SMURF1: variants seen among roughly 807,000 people sequenced by gnomAD.
The protein encoded by SMURF1 is SMAD specific E3 ubiquitin protein ligase 1.
SMURF1 carries 44 observed loss-of-function variants against 98.0 expected under a neutral mutation model. The ratio of observed to expected loss-of-function variants is 0.45; its 90% CI spans 0.35 to 0.58. The LOEUF (loss-of-function observed/expected upper bound fraction) is 0.58, where lower values mean the gene tolerates loss of function less well. SMURF1 is among the 20% of genes least tolerant of loss of function. The pLI is 0.00. For synonymous variants in SMURF1, 396 were observed against 374.9 expected, an observed-to-expected ratio of 1.06 and a Z score of -0.65; for missense variants, 687 against 938.4, an observed-to-expected ratio of 0.73 and a Z score of 3.50.
chr7:99,030,224 T>G lies in SMURF1; in HGVS notation c.*360A>C. ...CAAACCCTCAATCAGCCACGCCCAG[T>G]CCCCTAACTGTGAGTTGATGCTCCC... On this transcript the variant is annotated 3_prime_UTR_variant, in exon 18 of 18. Transcript: ENST00000361368. 1 of 202,048 alleles carries G rather than the reference T, an allele frequency of 4.9e-6. No individual in the cohort carries two copies. The highest frequency in any genetic ancestry group is 1.1e-4 in the South Asian group (1 of 9,398). 12.5% of individuals were successfully genotyped at this position (202,048 alleles called of 1,614,324 possible).
chr7:99,076,848 T>C (rs891254827), intron 1 of SMURF1, among the ~76,000 whole-genome samples: 17 of 151,766 alleles, frequency 1.1e-4, no homozygotes, highest in Admixed American at 5.3e-4. Context: ...TGTATGTGTG[T>C]GCACGTGCAT....
chr7:99,058,489 T>C (rs1455636963), intron 3 of SMURF1, among the ~76,000 whole-genome samples: 1 of 152,124 alleles, frequency 6.6e-6, no homozygotes, highest in Non-Finnish European at 1.5e-5. Context: ...TTCTCACCAA[T>C]TAGGTTTGAT....
chr7:99,075,073 G>A (rs960488647), intron 1 of SMURF1, among the ~76,000 whole-genome samples: 1 of 152,196 alleles, frequency 6.6e-6, no homozygotes, highest in African/African-American at 2.4e-5. Context: ...GGAGGTGGAA[G>A]TAGCAGTAGT....
At chr7:99,051,677 T>G (rs1795755573) in intron 7 of SMURF1, among the ~76,000 whole-genome samples, 2 of 152,180 alleles carry the variant, frequency 1.3e-5, no homozygotes, top group African/African-American at 4.8e-5. Context: ...TTGGTTTGCT[T>G]TGGTGTTCGT....
chr7:99,107,832 C>T (rs1262861969), intron 1 of SMURF1, among the ~76,000 whole-genome samples: 1 of 152,164 alleles, frequency 6.6e-6, no homozygotes, highest in Non-Finnish European at 1.5e-5. Context: ...CCATTAGTAA[C>T]ACCACCAGCA....
intron 1 of SMURF1, among the ~76,000 whole-genome samples, chr7:99,100,870 A>T (rs1177828577): frequency 6.6e-6 from 1 of 152,250 alleles, no homozygotes; most frequent in Non-Finnish European, 1.5e-5. Context: ...AGTCAAAGAG[A>T]GATACAATAA....
chr7:99,133,539 A>ACT (rs1797920611), intron 1 of SMURF1, among the ~76,000 whole-genome samples: 1 of 151,966 alleles, frequency 6.6e-6, no homozygotes, highest in Non-Finnish European at 1.5e-5. Flanking sequence ...AGCACCTGGA[A>ACT]CTCTCATACG....
chr7:99,072,504 G>T (rs932048725), intron 1 of SMURF1, among the ~76,000 whole-genome samples: 3 of 152,180 alleles, frequency 2.0e-5, no homozygotes, highest in Non-Finnish European at 4.4e-5. Context: ...TTAGCCAGGC[G>T]TGGTGGCGCA....
At chr7:99,142,355 G>A (rs1056828925) in intron 1 of SMURF1, among the ~76,000 whole-genome samples, 1 of 152,068 alleles carries the variant, frequency 6.6e-6, no homozygotes, top group South Asian at 2.1e-4. Flanking sequence ...GAAACAAAAT[G>A]CAGAAAAGGT....
chr7:99,063,265 ATATATATATATATATATAT>A (rs1563012747), intron 1 of SMURF1, among the ~76,000 whole-genome samples: 3 of 8,168 alleles, frequency 3.7e-4, no homozygotes, highest in African/African-American at 8.5e-4. Context: ...ATATATATAT[ATATATATATATATATATAT>A]ATATATATAT....
intron 1 of SMURF1, among the ~76,000 whole-genome samples, chr7:99,074,845 C>G (rs1030054507): frequency 2.0e-5 from 3 of 152,128 alleles, no homozygotes; most frequent in Non-Finnish European, 4.4e-5. Flanking sequence ...CTGGGCAAAA[C>G]AGTGAGACCC....
intron 10 of SMURF1, 27 bp downstream of exon 10, chr7:99,047,657 T>G (rs1795626305): frequency 6.2e-7 from 1 of 1,612,404 alleles, no homozygotes; most frequent in Non-Finnish European, 8.5e-7. Context: ...CTGAACAGGG[T>G]CTGGGCAGTG....
At chr7:99,043,190 G>A (rs1795451083) in intron 11 of SMURF1, among the ~76,000 whole-genome samples, 1 of 152,192 alleles carries the variant, frequency 6.6e-6, no homozygotes, top group Non-Finnish European at 1.5e-5. Flanking sequence ...GATACAATCA[G>A]TTCTGTTCTG....
In SMURF1 at chr7:99,028,270, C is replaced by T. The variant is rs1216064257; in HGVS notation, c.*2314G>A. On this transcript the variant is annotated 3_prime_UTR_variant, in exon 18 of 18. Coordinates refer to ENST00000361368, the MANE Select transcript of SMURF1 (RefSeq NM_181349.3). ...GGGTGGTTCAAAAGGACCAAACAAA[C>T]CATCGTAGAAACTGAAGGTTCTAGG... is the stretch of plus-strand genomic sequence containing the variant. The T allele has an allele frequency of 1.3e-5, 2 of 152,440 alleles. No homozygotes were observed. The highest frequency in any genetic ancestry group is 2.9e-5 in the Non-Finnish European group (2 of 68,068). 9.4% of individuals were successfully genotyped at this position (152,440 alleles called of 1,614,324 possible). A position where few individuals can be genotyped will look rare whatever the true frequency, so the allele number is the denominator to read the frequency against.
At chr7:99,115,255 G>T (rs1190238557) in intron 1 of SMURF1, among the ~76,000 whole-genome samples, 1 of 152,032 alleles carries the variant, frequency 6.6e-6, no homozygotes, top group African/African-American at 2.4e-5. Context: ...GACTGACCAA[G>T]GAAAAAGGAG....
intron 10 of SMURF1, 76 bp downstream of exon 10, chr7:99,047,608 G>T (rs1054906043): frequency 1.4e-6 from 2 of 1,467,656 alleles, no homozygotes; most frequent in Non-Finnish European, 1.9e-6. Flanking sequence ...GAAAACAATC[G>T]CATTTGAGAT....
chr7:99,077,633 C>T (rs778891854), intron 1 of SMURF1, among the ~76,000 whole-genome samples: 1 of 152,026 alleles, frequency 6.6e-6, no homozygotes, highest in Non-Finnish European at 1.5e-5. Flanking sequence ...CGCCTGGCCT[C>T]TTAATCCACT....
chr7:99,079,295 G>T (rs1055179908), intron 1 of SMURF1, among the ~76,000 whole-genome samples: 2 of 152,204 alleles, frequency 1.3e-5, no homozygotes, highest in Admixed American at 6.5e-5. Context: ...CTGGCTCTGG[G>T]ACACAGGGCC....
chr7:99,131,109 C>T lies in SMURF1; in HGVS notation c.55+12617G>A, dbSNP rs554905792. On this transcript the variant is annotated intron_variant, in intron 1 of 17. Coordinates refer to ENST00000361368, the MANE Select transcript of SMURF1 (RefSeq NM_181349.3). ...CAAAACACTGAGATATAGAGAGAAA[C>T]CAGGTCCTTGCTTTGCCATTGGAAT... Among the ~76,000 whole-genome samples, 4 of 152,224 alleles carry T rather than the reference C, an allele frequency of 2.6e-5. No homozygotes were observed. In the East Asian group the frequency reaches 7.7e-4, roughly 29 times the overall value.
Sources: allele counts gnomAD v4.1 joint callset (sites outside exome capture counted in the v4.1 genomes callset), GRCh38; gene constraint gnomAD v4.1.1; transcripts MANE v1.5; gene names NCBI Gene and HGNC (gene_info 2026-07-23, HGNC 2026-07-21).